SYNJ2: variants seen among roughly 807,000 people sequenced by gnomAD.
The protein encoded by SYNJ2 is synaptojanin 2, also known as polyphosphatidylinositol phosphatase SYNJ2.
A neutral mutation model predicts 141.3 loss-of-function variants in SYNJ2; 116 were observed. That is an observed-to-expected ratio of 0.82 (90% confidence interval 0.71 to 0.96). The LOEUF is 0.96. Among genes scored for constraint, SYNJ2 ranks in the 40% least tolerant of loss-of-function variants. The pLI is 0.00. For synonymous variants in SYNJ2, 745 were observed against 777.7 expected (o/e 0.96, Z 0.70); for missense variants, 1,873 against 1,934.8 (o/e 0.97, Z 0.60).
rs149011599 is a variant in SYNJ2 at position 158,088,600 on chromosome 6, G to A, written c.3344-60G>A. On this transcript the variant is annotated intron_variant, in intron 23 of 26. Transcript: ENST00000355585. ...GCCTCGTCTAGTCGGGCTCCTGGCA[G>A]CTGGCTGGGAAGTTGTGCCTTCACT... 2,870 of 1,312,734 alleles carry A rather than the reference G, an allele frequency of 2.2e-3. 9 individuals are homozygous for A. The highest frequency in any genetic ancestry group is 5.4e-3 in the Middle Eastern group (24 of 4,418). The allele number at this position is 1,312,734 out of a possible 1,614,324, so 81.3% of individuals were successfully genotyped here.
At chr6:158,056,352 C>T (rs1242795262) in intron 6 of SYNJ2, among the ~76,000 whole-genome samples, 1 of 152,148 alleles carries the variant, frequency 6.6e-6, no homozygotes, top group African/African-American at 2.4e-5. Context: ...GAAAGCATTC[C>T]TAAATCTAGG....
Position 158,076,679 on chromosome 6 carries a change from T to C in SYNJ2, c.2346T>C (p.Tyr782=), listed in dbSNP as rs1402988350. The part of the protein sequence containing the change: ...GAINFGPTYK[Y]DVGSAAYDTS... The stretch of plus-strand genomic sequence containing the variant: ...TTAACTTTGGACCCACCTACAAGTA[T>C]GACGTTGGCTCAGCCGCCTACGATA... Residue 782 remains tyrosine, a synonymous_variant, in exon 17 of 27, where the codon TAT becomes TAC. Transcript: ENST00000355585. 6.2e-7 allele frequency: 1 copy of C among 1,614,202 alleles called. No individual in the cohort carries two copies. Among genetic ancestry groups the C allele is most frequent in the Non-Finnish European group, 8.5e-7 (1 of 1,180,032 alleles).
Position 158,019,120 on chromosome 6 carries a change from C to T in SYNJ2, c.214+1830C>T, listed in dbSNP as rs150864514. On this transcript the variant is annotated intron_variant, in intron 2 of 26. Transcript: ENST00000355585. Reference sequence around the variant, plus strand: ...TTTTTCCACATGGTAGTATCTGGGCCCCCAGGATGCCTCACAGTCTTGGCT... The same window carrying T: ...TTTTTCCACATGGTAGTATCTGGGCTCCCAGGATGCCTCACAGTCTTGGCT... Among the ~76,000 whole-genome samples the T allele has an allele frequency of 5.3e-5, 8 of 152,258 alleles. No homozygotes were observed. The East Asian group carries it at 1.5e-3, about 29-fold the overall frequency.
At position 158,072,476 on chromosome 6, in the gene SYNJ2, C is replaced by T. The variant is rs1365676707; in HGVS notation, c.2133+682C>T. On this transcript the variant is annotated intron_variant, in intron 15 of 26. Transcript: ENST00000355585. ...GGTGCACACGAGGCCACCTCTTTCC[C>T]GAAGTGAGGATAGACTTCAGCTGTT... Among the ~76,000 whole-genome samples the T allele has an allele frequency of 3.9e-5, 6 of 152,266 alleles. No homozygotes were observed. The South Asian group carries it at 8.3e-4, about 21-fold the overall frequency.
At chr6:158,052,197 C>T (rs539393439) in intron 5 of SYNJ2, among the ~76,000 whole-genome samples, 6 of 152,248 alleles carry the variant, frequency 3.9e-5, no homozygotes, top group South Asian at 4.1e-4. Context: ...CAAACAGAAG[C>T]AAAACTAAAG....
intron 2 of SYNJ2, among the ~76,000 whole-genome samples, chr6:158,022,269 G>A (rs945475124): frequency 1.3e-5 from 2 of 152,142 alleles, no homozygotes; most frequent in African/African-American, 4.8e-5. Flanking sequence ...CCCCAGGGTT[G>A]GGATTGGCAC....
chr6:158,018,332 G>A (rs1366940828), intron 2 of SYNJ2, among the ~76,000 whole-genome samples: 1 of 152,140 alleles, frequency 6.6e-6, no homozygotes, highest in Non-Finnish European at 1.5e-5. Context: ...CCTGGCTGTG[G>A]ACATCTCTTG....
chr6:157,987,226 A>T (rs958234001), intron 1 of SYNJ2, among the ~76,000 whole-genome samples: 1 of 152,088 alleles, frequency 6.6e-6, no homozygotes, highest in Non-Finnish European at 1.5e-5. Flanking sequence ...ACCTCAGGTG[A>T]TCCACCCGCT....
In SYNJ2 at chr6:158,040,377, C is replaced by A. The variant is rs987557811; in HGVS notation, c.712-2939C>A. On this transcript the variant is annotated intron_variant, in intron 4 of 26. Transcript: ENST00000355585. This position sits in a 1 kb window ranked among gnomAD's most constrained non-coding sequence, Gnocchi z 4.2. ...GTTGTGTATGTGTTGTGTGTCTGCA[C>A]GCACAGATGTTGTGTACATGTGTAG... is the stretch of plus-strand genomic sequence containing the variant. 6.6e-6 allele frequency among the ~76,000 whole-genome samples: 1 copy of A among 151,978 alleles called. No homozygotes were observed. The highest frequency in any genetic ancestry group is 1.5e-5 in the Non-Finnish European group (1 of 68,000).
intron 26 of SYNJ2, among the ~76,000 whole-genome samples, chr6:158,094,312 T>A (rs1179722187): frequency 5.5e-5 from 8 of 144,204 alleles, no homozygotes; most frequent in African/African-American, 2.1e-4. Context: ...CAAAACTGCA[T>A]CTCATACACC....
chr6:158,097,219 G>C lies in SYNJ2; in HGVS notation c.*855G>C, dbSNP rs574898260. 3 of 152,354 alleles carry C rather than the reference G, an allele frequency of 2.0e-5. No individual in the cohort carries two copies. The highest frequency in any genetic ancestry group is 4.1e-4 in the South Asian group (2 of 4,824). 9.4% of individuals were successfully genotyped at this position (152,354 alleles called of 1,614,324 possible). ...AGCACACAGTGCGAAAACTCTTGCT[G>C]ATACGCGATATTGATTCTCATTGTT... On this transcript the variant is annotated 3_prime_UTR_variant, in exon 27 of 27. Transcript: ENST00000355585.
intron 16 of SYNJ2, among the ~76,000 whole-genome samples, chr6:158,076,175 G>A (rs533347109): frequency 3.3e-5 from 5 of 152,296 alleles, no homozygotes; most frequent in South Asian, 4.1e-4. Flanking sequence ...GCAAAAGAGC[G>A]AGACCCCAGG....
intron 17 of SYNJ2, 36 bp downstream of exon 17, chr6:158,076,818 G>A (rs1426658763): frequency 6.3e-7 from 1 of 1,579,264 alleles, no homozygotes; most frequent in Admixed American, 1.8e-5. Flanking sequence ...GTCGGCAGAG[G>A]GTGAATAAGA....
At chr6:158,011,999 TG>T (rs1410861225) in intron 1 of SYNJ2, among the ~76,000 whole-genome samples, 4 of 152,220 alleles carry the variant, frequency 2.6e-5, no homozygotes, top group Non-Finnish European at 4.4e-5. Context: ...TCTGCAGCCC[TG>T]TCTGCAGTAC....
Position 157,982,755 on chromosome 6 carries a change from A to G in SYNJ2, c.127+667A>G, listed in dbSNP as rs1777061538. Among the ~76,000 whole-genome samples, 1 of 152,194 alleles carries G rather than the reference A, an allele frequency of 6.6e-6. No individual in the cohort carries two copies. The highest frequency in any genetic ancestry group is 2.4e-5 in the African/African-American group (1 of 41,462). On this transcript the variant is annotated intron_variant, in intron 1 of 26. Transcript: ENST00000355585. The surrounding 1 kb of genome is among the most constrained non-coding windows in gnomAD (Gnocchi z 4.0). Reference sequence around the variant, plus strand: ...GATCTCACTTAATTCTCACAATTCTACTAAAAAGCTATTATTATCCCCATT... The same window carrying G: ...GATCTCACTTAATTCTCACAATTCTGCTAAAAAGCTATTATTATCCCCATT...
Position 158,096,536 on chromosome 6 carries a change from C to G in SYNJ2, c.*172C>G. 1.5e-6 allele frequency: 1 copy of G among 651,626 alleles called. No homozygotes were observed. The allele number at this position is 651,626 out of a possible 1,614,324, so 40.4% of individuals were successfully genotyped here. A position where few individuals can be genotyped will look rare whatever the true frequency, so the allele number is the denominator to read the frequency against. ...TCTCTTATTCAGTAAGATGGTTACTCAGCCACCAAAATATATTTCACTCAA... is the reference window on the plus strand; with the variant it reads ...TCTCTTATTCAGTAAGATGGTTACTGAGCCACCAAAATATATTTCACTCAA... On this transcript the variant is annotated 3_prime_UTR_variant, in exon 27 of 27. Coordinates refer to ENST00000355585, the MANE Select transcript of SYNJ2 (RefSeq NM_003898.4).
At position 158,070,227 on chromosome 6, in the gene SYNJ2, G is replaced by A; in HGVS notation, c.1940+554G>A. 1 of 985,414 alleles carries A rather than the reference G, an allele frequency of 1.0e-6. No homozygotes were observed. The highest frequency in any genetic ancestry group is 1.2e-6 in the Non-Finnish European group (1 of 829,998). 61.0% of individuals were successfully genotyped at this position (985,414 alleles called of 1,614,324 possible). The stretch of plus-strand genomic sequence containing the variant: ...TCATCTTTTCCCCAGCTTGTGGTTG[G>A]CCTCATCTTACCACCTGGGCCTACC... On this transcript the variant is annotated intron_variant, in intron 14 of 26. Coordinates refer to ENST00000355585, the MANE Select transcript of SYNJ2 (RefSeq NM_003898.4). This position sits in a 1 kb window ranked among gnomAD's most constrained non-coding sequence, Gnocchi z 4.0.
intron 2 of SYNJ2, among the ~76,000 whole-genome samples, chr6:158,023,818 G>A (rs1418560609): frequency 1.3e-5 from 2 of 152,192 alleles, no homozygotes; most frequent in African/African-American, 4.8e-5. Flanking sequence ...CCAATTGTTT[G>A]CTTCCCCCAT....
Position 158,071,474 on chromosome 6 carries a change from T to G in SYNJ2, c.1941-128T>G. ...GATGACGGCCACGGTGGCCACTGTG[T>G]TGAGCTGATGATTTTGGAGCACTCA... On this transcript the variant is annotated intron_variant, in intron 14 of 26. Transcript: ENST00000355585. This position sits in a 1 kb window ranked among gnomAD's most constrained non-coding sequence, Gnocchi z 4.3. 9.1e-7 allele frequency: 1 copy of G among 1,098,234 alleles called. No individual in the cohort carries two copies. The highest frequency in any genetic ancestry group is 1.3e-6 in the Non-Finnish European group (1 of 779,480). The allele number at this position is 1,098,234 out of a possible 1,614,324, so 68.0% of individuals were successfully genotyped here.
Sources: gnomAD v4.1 joint callset for allele counts (sites outside exome capture counted in the v4.1 genomes callset) on GRCh38, gnomAD v4.1.1 for gene constraint, Gnocchi (gnomAD v3.1) non-coding constraint, MANE v1.5 for transcripts, NCBI Gene and HGNC (gene_info 2026-07-23, HGNC 2026-07-21) for gene names.